The following RAB6A variants were observed in gnomAD, a reference collection of about 807,000 sequenced individuals.
RAB6A encodes the protein RAB6A, member RAS oncogene family.
A neutral mutation model predicts 32.3 loss-of-function variants in RAB6A; 8 were observed. The ratio of observed to expected loss-of-function variants is 0.25; its 90% CI spans 0.15 to 0.45. RAB6A has a LOEUF of 0.45. RAB6A is among the 20% of genes least tolerant of loss of function. The probability of loss-of-function intolerance (pLI) is 1.00; values close to 1 mark genes in which losing one functional copy is unlikely to be tolerated. For missense variants in RAB6A, 104 were observed against 249.4 expected (o/e 0.42, Z 3.93); for synonymous variants, 73 against 82.1 (o/e 0.89, Z 0.60).
At chr11:73,694,908 C>T (rs764268048) in intron 6 of RAB6A, among the ~76,000 whole-genome samples, 2 of 152,044 alleles carry the variant, frequency 1.3e-5, no homozygotes, top group Admixed American at 6.6e-5. Flanking sequence ...CCCAGCTACT[C>T]GGCAGGCTGA....
intron 6 of RAB6A, among the ~76,000 whole-genome samples, chr11:73,695,370 A>G (rs1945639546): frequency 7.7e-6 from 1 of 129,930 alleles, no homozygotes; most frequent in South Asian, 2.4e-4. Context: ...CTAAGTATCC[A>G]GTTTTTTTGT....
chr11:73,727,429 G>GAAA (rs35146058), intron 2 of RAB6A, among the ~76,000 whole-genome samples: 1 of 143,422 alleles, frequency 7.0e-6, no homozygotes, highest in Non-Finnish European at 1.5e-5. Context: ...CTATCTCTTG[G>GAAA]AAAAAAAAAA....
chr11:73,680,196 G>A (rs960166282), intron 6 of RAB6A, among the ~76,000 whole-genome samples: 7 of 152,172 alleles, frequency 4.6e-5, no homozygotes, highest in Admixed American at 2.6e-4. Flanking sequence ...GAGGTATAAA[G>A]ACATGATTCC....
rs1377150509 is a variant in RAB6A, at chr11:73,722,337, ATATATATTTT to A, written c.130-1448_130-1439del. ...TATATATATATATATATATATATAT[ATATATATTTT>A]TTTTTTTTTTTTTTTTTTTTGAGAC... On this transcript the variant is annotated intron_variant, in intron 2 of 7. Transcript: ENST00000336083. 4.4e-3 allele frequency: 44 copies of A among 9,920 alleles called. 1 individual carries two copies. Among genetic ancestry groups the A allele is most frequent in the East Asian group, 0.012 (2 of 168 alleles). 0.6% of individuals were successfully genotyped at this position (9,920 alleles called of 1,614,324 possible).
At chr11:73,692,644 G>A (rs931034567) in intron 6 of RAB6A, among the ~76,000 whole-genome samples, 2 of 150,854 alleles carry the variant, frequency 1.3e-5, no homozygotes, top group Non-Finnish European at 3.0e-5. Flanking sequence ...TTAGATGAAC[G>A]TCAACTTGAT....
At chr11:73,747,943 T>G (rs144728980) in intron 1 of RAB6A, among the ~76,000 whole-genome samples, 1 of 152,220 alleles carries the variant, frequency 6.6e-6, no homozygotes, top group Non-Finnish European at 1.5e-5. Flanking sequence ...CCTTGATCAC[T>G]TGGTTATTGG....
intron 1 of RAB6A, 122 bp downstream of exon 1, chr11:73,760,444 T>A: frequency 7.6e-7 from 1 of 1,312,604 alleles, no homozygotes; most frequent in Non-Finnish European, 1.0e-6. Context: ...CGGGAAGGGC[T>A]GCGGTGGCAA....
At chr11:73,695,092 A>C (rs1461660869) in intron 6 of RAB6A, among the ~76,000 whole-genome samples, 1 of 152,116 alleles carries the variant, frequency 6.6e-6, no homozygotes. Flanking sequence ...TATTTAACAA[A>C]CTTGGTGCTT....
chr11:73,746,747 C>T (rs1370481277), intron 1 of RAB6A, among the ~76,000 whole-genome samples: 3 of 147,796 alleles, frequency 2.0e-5, no homozygotes, highest in Admixed American at 6.8e-5. Flanking sequence ...GGAGACGTAG[C>T]AAAACTCTGC....
intron 4 of RAB6A, among the ~76,000 whole-genome samples, chr11:73,717,437 A>G (rs1307988828): frequency 6.6e-6 from 1 of 152,094 alleles, no homozygotes; most frequent in Non-Finnish European, 1.5e-5. Context: ...CTAGCACTTT[A>G]GTTTTTGTTG....
At chr11:73,716,811 GCTTTCAACACCA>G (rs1946060735) in intron 4 of RAB6A, among the ~76,000 whole-genome samples, 1 of 152,152 alleles carries the variant, frequency 6.6e-6, no homozygotes, top group South Asian at 2.1e-4. Context: ...CCTTTCAATA[GCTTTCAACACCA>G]CTGTTTGCAC....
chr11:73,699,052 C>T (rs1014057479), intron 6 of RAB6A, among the ~76,000 whole-genome samples: 17 of 151,970 alleles, frequency 1.1e-4, no homozygotes, highest in African/African-American at 3.9e-4. Flanking sequence ...AGAGTTTCAC[C>T]ATGTTGGTCA....
At chr11:73,706,238 G>A (rs554124743) in intron 6 of RAB6A, among the ~76,000 whole-genome samples, 13 of 152,114 alleles carry the variant, frequency 8.5e-5, no homozygotes, top group South Asian at 2.1e-4. Flanking sequence ...GGTCTAGGCC[G>A]GGCGTGGTGG....
chr11:73,678,821 G>A (rs941044731), intron 7 of RAB6A, among the ~76,000 whole-genome samples: 2 of 151,270 alleles, frequency 1.3e-5, no homozygotes, highest in Non-Finnish European at 2.9e-5. Context: ...TGCCTCCTGG[G>A]TTCAAGCAAT....
intron 5 of RAB6A, among the ~76,000 whole-genome samples, chr11:73,714,713 C>T (rs992508297): frequency 1.3e-4 from 20 of 151,648 alleles, no homozygotes; most frequent in African/African-American, 4.8e-4. Context: ...CGGTGGCTCA[C>T]GCCTGGCACT....
At chr11:73,702,943 G>A (rs1326247140) in intron 6 of RAB6A, among the ~76,000 whole-genome samples, 3 of 151,316 alleles carry the variant, frequency 2.0e-5, no homozygotes, top group Non-Finnish European at 2.9e-5. Flanking sequence ...TGCAATCTCC[G>A]CCTCCTGGGT....
At chr11:73,755,920 A>G (rs1200459489) in intron 1 of RAB6A, among the ~76,000 whole-genome samples, 7 of 151,686 alleles carry the variant, frequency 4.6e-5, no homozygotes, top group Admixed American at 2.6e-4. Context: ...GGAGGAGGAG[A>G]AAGAAGAGGA....
At chr11:73,711,080 T>C (rs1334662672) in intron 5 of RAB6A, among the ~76,000 whole-genome samples, 1 of 152,178 alleles carries the variant, frequency 6.6e-6, no homozygotes, top group South Asian at 2.1e-4. Context: ...TAGGCATGCA[T>C]TTACCACCTG....
chr11:73,713,553 G>A (rs1263395616), intron 5 of RAB6A, among the ~76,000 whole-genome samples: 2 of 142,882 alleles, frequency 1.4e-5, no homozygotes, highest in Non-Finnish European at 3.0e-5. Flanking sequence ...GGGAGACAGC[G>A]AGACTCCGTC....
Sources: allele counts gnomAD v4.1 joint callset (sites outside exome capture counted in the v4.1 genomes callset), GRCh38; gene constraint gnomAD v4.1.1; transcripts MANE v1.5; gene names NCBI Gene and HGNC (gene_info 2026-07-23, HGNC 2026-07-21).